GAL3ST2: variants seen among roughly 807,000 people sequenced by gnomAD.
The protein encoded by GAL3ST2 is galactose-3-O-sulfotransferase 2.
Under a neutral mutation model 12.9 loss-of-function variants are expected in GAL3ST2, and 16 were observed. That is an observed-to-expected ratio of 1.24 (90% CI 0.84 to 1.88). The LOEUF (loss-of-function observed/expected upper bound fraction) is 1.88. Ranked by LOEUF, GAL3ST2 falls within the 40% of genes most tolerant of loss-of-function variation. The pLI is 0.00. For synonymous variants in GAL3ST2, 302 were observed against 273.9 expected (o/e 1.10, Z -1.01); for missense variants, 639 against 571.8 (o/e 1.12, Z -1.20).
rs760206696 is a variant in GAL3ST2 at position 241,799,096 on chromosome 2, G to A, written c.61G>A (p.Ala21Thr). The A allele has an allele frequency of 6.2e-7, 1 of 1,613,670 alleles. No homozygotes were observed. Among genetic ancestry groups the A allele is most frequent in the Admixed American group, 1.7e-5 (1 of 60,018 alleles). The change falls in exon 2 of 4, where the codon GCC becomes ACC. Residue 21 changes from alanine to threonine, a missense_variant. Transcript: ENST00000192314. ...YFRVILLLLL[A>T]LTLLLLAGFL... ...CCGGGTCATCCTCCTCCTCCTCCTG[G>A]CCCTGACTCTGCTCCTGCTGGCCGG...
In GAL3ST2 at chr2:241,803,844, CGCAGCTGCGCGCCGAGCTGGGGCCGCG is replaced by C; in HGVS notation, c.878_904del (p.Gln293_Arg301del). 6.8e-7 allele frequency: 1 copy of C among 1,462,280 alleles called. No homozygotes were observed. Among genetic ancestry groups the C allele is most frequent in the South Asian group, 1.4e-5 (1 of 72,220 alleles). The allele number at this position is 1,462,280 out of a possible 1,614,324, so 90.6% of individuals were successfully genotyped here. A position where few individuals can be genotyped will look rare whatever the true frequency, so the allele number is the denominator to read the frequency against. On this transcript the variant is annotated inframe_deletion, in exon 4 of 4. Coordinates refer to ENST00000192314, the MANE Select transcript of GAL3ST2 (RefSeq NM_022134.3). ...GAGCATTTCAACCGCACCCTCTGGG[CGCAGCTGCGCGCCGAGCTGGGGCCGCG>C]GCGGCTGCGCGGGGAGGTGGAGCGG... is the stretch of plus-strand genomic sequence containing the variant.
At chr2:241,797,106 A>C (rs1467745594) in intron 1 of GAL3ST2, among the ~76,000 whole-genome samples, 4 of 152,134 alleles carry the variant, frequency 2.6e-5, no homozygotes, top group African/African-American at 9.7e-5. Flanking sequence ...CAATTCTCCC[A>C]CTTCCGCCTC....
rs1295210030 is a variant in GAL3ST2, at chr2:241,803,906, C to A, written c.937C>A (p.Arg313=). Residue 313 remains arginine, a synonymous_variant, in exon 4 of 4, where the codon CGG becomes AGG. Transcript: ENST00000192314. ...CGGGGAGGTGGAGCGGCTGCGCGCC[C>A]GGAGGCGCGAACTCGCGAGCCTGTG... The part of the protein sequence containing the change: ...LRGEVERLRA[R]RRELASLCLQ... 1 of 1,414,830 alleles carries A rather than the reference C, an allele frequency of 7.1e-7. No homozygotes were observed. Among genetic ancestry groups the A allele is most frequent in the Non-Finnish European group, 9.2e-7 (1 of 1,091,880 alleles). 87.6% of individuals were successfully genotyped at this position (1,414,830 alleles called of 1,614,324 possible). A position where few individuals can be genotyped will look rare whatever the true frequency, so the allele number is the denominator to read the frequency against.
At chr2:241,783,589 A>G (rs1699590783) in intron 1 of GAL3ST2, among the ~76,000 whole-genome samples, 1 of 152,226 alleles carries the variant, frequency 6.6e-6, no homozygotes, top group Non-Finnish European at 1.5e-5. Flanking sequence ...CAAATATGAA[A>G]TATCTATTAT....
intron 1 of GAL3ST2, among the ~76,000 whole-genome samples, chr2:241,788,521 G>T (rs1699654552): frequency 7.2e-6 from 1 of 138,830 alleles, no homozygotes; most frequent in Non-Finnish European, 1.5e-5. Context: ...GTGTGCATTT[G>T]TGCGAGGAAC....
Position 241,803,549 on chromosome 2 carries a change from T to C in GAL3ST2, c.580T>C (p.Trp194Arg), listed in dbSNP as rs985498882. The C allele has an allele frequency of 6.2e-6, 10 of 1,607,712 alleles. No homozygotes were observed. The highest frequency in any genetic ancestry group is 8.5e-6 in the Non-Finnish European group (10 of 1,177,374). ...LRNVYAKNNM[W>R]FDFGFDPNAQ... ...GAACGTCTACGCCAAGAACAACATG[T>C]GGTTCGACTTCGGCTTCGACCCCAA... Residue 194 changes from tryptophan (W) to arginine (R), a missense_variant, in exon 4 of 4, where the codon TGG (tryptophan) becomes CGG (arginine). Physicochemically the swap from Trp to Arg is moderately radical, Grantham distance 101. Coordinates refer to ENST00000192314, the MANE Select transcript of GAL3ST2 (RefSeq NM_022134.3).
chr2:241,779,627 C>G (rs1699540357), intron 1 of GAL3ST2, among the ~76,000 whole-genome samples: 1 of 151,824 alleles, frequency 6.6e-6, no homozygotes, highest in Non-Finnish European at 1.5e-5. Context: ...AAGAAAAGAG[C>G]AATCCTGGAA....
In GAL3ST2 at chr2:241,776,841, CGCACCCTGCCTGTGCCT is replaced by C. The variant is rs1699493853; in HGVS notation, c.-106_-90del. 1.1e-6 allele frequency: 1 copy of C among 875,670 alleles called. No homozygotes were observed. Among genetic ancestry groups the C allele is most frequent in the South Asian group, 3.7e-5 (1 of 27,218 alleles). 54.2% of individuals were successfully genotyped at this position (875,670 alleles called of 1,614,324 possible). ...GATTCCAGTTCACCTGCCCCACAGCCGCACCCTGCCTGTGCCTGCACCCTGGGGAGCCCAGAGCCGGC... is the reference window on the plus strand; with the variant it reads ...GATTCCAGTTCACCTGCCCCACAGCCGCACCCTGGGGAGCCCAGAGCCGGC... On this transcript the variant is annotated 5_prime_UTR_variant, in exon 1 of 4. Transcript: ENST00000192314.
rs1420244486 is a variant in GAL3ST2, at chr2:241,802,190, G to A, written c.375+154G>A. ...TGGGAGGGCCTGGGCCGCACGCCCT[G>A]CTGAGCCAACCCCTGCCCCTCCAGG... On this transcript the variant is annotated intron_variant, in intron 3 of 3. Coordinates refer to ENST00000192314, the MANE Select transcript of GAL3ST2 (RefSeq NM_022134.3). The surrounding 1 kb of genome is among the most constrained non-coding windows in gnomAD (Gnocchi z 4.8). Among the ~76,000 whole-genome samples, 2 of 152,162 alleles carry A rather than the reference G, an allele frequency of 1.3e-5. No individual in the cohort carries two copies. The highest frequency in any genetic ancestry group is 4.8e-5 in the African/African-American group (2 of 41,438).
chr2:241,797,170 G>T (rs530304487), intron 1 of GAL3ST2, among the ~76,000 whole-genome samples: 2 of 152,204 alleles, frequency 1.3e-5, no homozygotes, highest in Non-Finnish European at 2.9e-5. Context: ...GAAACATTAC[G>T]TGTTTGCCAG....
At chr2:241,779,918 G>A (rs1030592893) in intron 1 of GAL3ST2, among the ~76,000 whole-genome samples, 15 of 152,016 alleles carry the variant, frequency 9.9e-5, no homozygotes, top group African/African-American at 3.4e-4. Flanking sequence ...CCTGGGAAGC[G>A]GAGGTTGCGG....
At chr2:241,797,897 C>T (rs1407514403) in intron 1 of GAL3ST2, among the ~76,000 whole-genome samples, 3 of 152,198 alleles carry the variant, frequency 2.0e-5, no homozygotes, top group African/African-American at 7.2e-5. Flanking sequence ...AGGAAGCTCA[C>T]CCCTTGTGTC....
At chr2:241,787,073 T>C (rs1023528957) in intron 1 of GAL3ST2, among the ~76,000 whole-genome samples, 10 of 152,194 alleles carry the variant, frequency 6.6e-5, no homozygotes, top group Non-Finnish European at 1.2e-4. Context: ...GTCTCTTATC[T>C]ACCTATGACC....
rs1404351721 is a variant in GAL3ST2, at chr2:241,803,971, C to G, written c.1002C>G (p.Ile334Met). ...DGGALKNHTQIRDPRLRPYQS... is the reference protein window; with the variant it reads ...DGGALKNHTQMRDPRLRPYQS... ...GCGCGCTCAAGAACCACACGCAGAT[C>G]AGAGACCCGCGCCTGCGCCCCTACC... The change falls in exon 4 of 4, where the codon ATC becomes ATG. Residue 334 changes from isoleucine (I) to methionine (M), a missense_variant. Transcript: ENST00000192314. The G allele has an allele frequency of 1.3e-6, 2 of 1,538,368 alleles. No individual in the cohort carries two copies. The highest frequency in any genetic ancestry group is 2.6e-5 in the East Asian group (1 of 37,922).
intron 1 of GAL3ST2, among the ~76,000 whole-genome samples, chr2:241,782,857 G>T (rs778938168): frequency 6.6e-6 from 1 of 152,118 alleles, no homozygotes; most frequent in Non-Finnish European, 1.5e-5. Flanking sequence ...AATGTTTAAG[G>T]CTGGGTATGG....
At chr2:241,794,810 T>C (rs1699750610) in intron 1 of GAL3ST2, among the ~76,000 whole-genome samples, 1 of 152,236 alleles carries the variant, frequency 6.6e-6, no homozygotes, top group Admixed American at 6.5e-5. Context: ...TAAGGGCACT[T>C]GAAAGCAATG....
At chr2:241,781,988 C>A (rs1198580951) in intron 1 of GAL3ST2, among the ~76,000 whole-genome samples, 1 of 152,212 alleles carries the variant, frequency 6.6e-6, no homozygotes, top group Non-Finnish European at 1.5e-5. Flanking sequence ...AAACAATAAG[C>A]CCTAATAAAA....
Position 241,800,813 on chromosome 2 carries a change from C to A in GAL3ST2, c.120-968C>A, listed in dbSNP as rs566859228. 6.6e-6 allele frequency: 1 copy of A among 152,194 alleles called. No individual in the cohort carries two copies. The highest frequency in any genetic ancestry group is 2.4e-5 in the African/African-American group (1 of 41,440). 9.4% of individuals were successfully genotyped at this position (152,194 alleles called of 1,614,324 possible). A position where few individuals can be genotyped will look rare whatever the true frequency, so the allele number is the denominator to read the frequency against. ...GGGTGTCAGAGAAAAAGAAAACTCC[C>A]GTGGCAGGTAGAACATAAATAAGTG... On this transcript the variant is annotated intron_variant, in intron 2 of 3. Transcript: ENST00000192314. The surrounding 1 kb of genome is among the most constrained non-coding windows in gnomAD (Gnocchi z 5.2).
At chr2:241,786,484 A>C (rs1699630263) in intron 1 of GAL3ST2, among the ~76,000 whole-genome samples, 1 of 152,104 alleles carries the variant, frequency 6.6e-6, no homozygotes, top group African/African-American at 2.4e-5. Flanking sequence ...ACCATCTTAG[A>C]AGCAGGAAAA....
Sources: gnomAD v4.1 joint callset for allele counts (sites outside exome capture counted in the v4.1 genomes callset) on GRCh38, gnomAD v4.1.1 for gene constraint, Gnocchi (gnomAD v3.1) non-coding constraint, MANE v1.5 for transcripts, NCBI Gene and HGNC (gene_info 2026-07-23, HGNC 2026-07-21) for gene names.